The following RAB44 variants were observed in gnomAD, a reference collection of about 807,000 sequenced individuals.
RAB44 encodes the protein ras-related protein Rab-44.
In RAB44, 67 loss-of-function variants were observed where a neutral mutation model predicts 93.3. That is an observed-to-expected ratio of 0.72 (90% CI 0.59 to 0.88). The LOEUF is 0.88. Ranked by LOEUF, RAB44 falls within the 40% of genes least tolerant of loss-of-function variation. The pLI is 0.00. For synonymous variants in RAB44, 427 were observed against 520.3 expected, an observed-to-expected ratio of 0.82 and a Z score of 2.44; for missense variants, 1,064 against 1,261.7, an observed-to-expected ratio of 0.84 and a Z score of 2.37.
intron 12 of RAB44, among the ~76,000 whole-genome samples, chr6:36,729,641 C>T (rs1429014376): frequency 6.6e-6 from 1 of 152,074 alleles, no homozygotes; most frequent in East Asian, 1.9e-4. Flanking sequence ...TGCCACCACG[C>T]CCGGCTAATT....
At chr6:36,719,984 T>G (rs1199174631) in intron 7 of RAB44, among the ~76,000 whole-genome samples, 1 of 152,194 alleles carries the variant, frequency 6.6e-6, no homozygotes, top group Non-Finnish European at 1.5e-5. Flanking sequence ...GCTCCCTCTC[T>G]GGGTCATGAG....
Position 36,715,544 on chromosome 6 carries a change from CG to C in RAB44, c.388del (p.Val130TyrfsTer65). On this transcript the variant is annotated frameshift_variant, in exon 4 of 14. Coordinates refer to ENST00000612677, the MANE Select transcript of RAB44 (RefSeq NM_001257357.2). LOFTEE classifies it high-confidence loss of function. ...LRRRKPLPSKRVSATTSFPAL... is the reference protein window; with the variant it reads ...LRRRKPLPSKXVSATTSFPAL... ...CAGAAGGAAGCCACTGCCCTCTAAGCGGGTATCTGCTACCACCAGCTTCCCA... is the reference window on the plus strand; with the variant it reads ...CAGAAGGAAGCCACTGCCCTCTAAGCGGTATCTGCTACCACCAGCTTCCCA... 1 of 1,536,152 alleles carries C rather than the reference CG, an allele frequency of 6.5e-7. No individual in the cohort carries two copies. The highest frequency in any genetic ancestry group is 1.2e-5 in the South Asian group (1 of 84,064).
At chr6:36,718,746 C>A (rs934526832) in intron 7 of RAB44, among the ~76,000 whole-genome samples, 158 bp downstream of exon 7, 1 of 152,284 alleles carries the variant, frequency 6.6e-6, no homozygotes, top group South Asian at 2.1e-4. Flanking sequence ...CAGTGCCTGG[C>A]ACGTAGTAGG....
At position 36,722,127 on chromosome 6, in the gene RAB44, T is replaced by G; in HGVS notation, c.1993T>G (p.Phe665Val). Residue 665 changes from phenylalanine (F) to valine (V), a missense_variant, in exon 9 of 14, where the codon TTC becomes GTC. By Grantham distance (50) the Phe-to-Val change is conservative (BLOSUM62 -1). Coordinates refer to ENST00000612677, the MANE Select transcript of RAB44 (RefSeq NM_001257357.2). The part of the protein sequence containing the change: ...QVLGLGELSA[F>V]PHQELEEEPR... ...CCTTGGGCTGGGTGAGCTGTCTGCC[T>G]TCCCCCACCAGGAGCTGGAAGAGGA... The G allele has an allele frequency of 1.6e-6, 2 of 1,236,408 alleles. No individual in the cohort carries two copies. Among genetic ancestry groups the G allele is most frequent in the South Asian group, 8.1e-5 (2 of 24,540 alleles). The allele number at this position is 1,236,408 out of a possible 1,614,324, so 76.6% of individuals were successfully genotyped here.
Position 36,727,571 on chromosome 6 carries a change from G to C in RAB44, c.2682-6G>C. The C allele has an allele frequency of 3.2e-6, 5 of 1,548,364 alleles. No individual in the cohort carries two copies. Among genetic ancestry groups the C allele is most frequent in the Non-Finnish European group, 4.4e-6 (5 of 1,145,096 alleles). ...TGGTGTGGCCTCATGCAGACTCTCTGGGCAGGTACCACAGTATGACGCGAC... is the reference window on the plus strand; with the variant it reads ...TGGTGTGGCCTCATGCAGACTCTCTCGGCAGGTACCACAGTATGACGCGAC... On this transcript the variant is annotated splice_polypyrimidine_tract_variant and splice_region_variant and intron_variant, in intron 10 of 13. Transcript: ENST00000612677.
chr6:36,720,530 G>T lies in RAB44; in HGVS notation c.996G>T (p.Trp332Cys). ...ACGCCGCCAGGGGCCGGGTGTCCTGGCAGGTGGAGGAGAAACTGAGGCAAG... is the reference window on the plus strand; with the variant it reads ...ACGCCGCCAGGGGCCGGGTGTCCTGTCAGGTGGAGGAGAAACTGAGGCAAG... ...RLDAARGRVS[W>C]QVEEKLSFPG... Residue 332 changes from tryptophan (W) to cysteine (C), a missense_variant, in exon 8 of 14, where the codon TGG becomes TGT. Coordinates refer to ENST00000612677, the MANE Select transcript of RAB44 (RefSeq NM_001257357.2). The T allele has an allele frequency of 8.1e-7, 1 of 1,234,036 alleles. No homozygotes were observed. Among genetic ancestry groups the T allele is most frequent in the Non-Finnish European group, 1.0e-6 (1 of 988,220 alleles). 76.4% of individuals were successfully genotyped at this position (1,234,036 alleles called of 1,614,324 possible). A position where few individuals can be genotyped will look rare whatever the true frequency, so the allele number is the denominator to read the frequency against.
rs773688501 is a variant in RAB44, at chr6:36,702,321, AGAGAGAGAGAGAGAGAG to A, written c.-12-1902_-12-1886del. On this transcript the variant is annotated intron_variant, in intron 1 of 13. Transcript: ENST00000612677. ...GAGAGAGAGAGAGAGAGAGAGAGAGAGAGAGAGAGAGAGAGAGAATGTACTTCTGTTTGAAGTTTGGG... is the reference window on the plus strand; with the variant it reads ...GAGAGAGAGAGAGAGAGAGAGAGAGAAATGTACTTCTGTTTGAAGTTTGGG... 7.9e-4 allele frequency among the ~76,000 whole-genome samples: 88 copies of A among 111,440 alleles called. No individual in the cohort carries two copies. The South Asian group carries it at 0.014, about 18-fold the overall frequency. 73.1% of individuals were successfully genotyped at this position (111,440 alleles called of 152,430 possible). A position where few individuals can be genotyped will look rare whatever the true frequency, so the allele number is the denominator to read the frequency against.
In RAB44 at chr6:36,717,648, G is replaced by T. The variant is rs765766879; in HGVS notation, c.641+229G>T. On this transcript the variant is annotated intron_variant, in intron 5 of 13. Coordinates refer to ENST00000612677, the MANE Select transcript of RAB44 (RefSeq NM_001257357.2). The surrounding 1 kb of genome is among the most constrained non-coding windows in gnomAD (Gnocchi z 4.1). The stretch of plus-strand genomic sequence containing the variant: ...GTCTTGGTACAGGACCCACTGTGAC[G>T]CCCAACTCCAGGGGGCCTGCTCCCG... 6.6e-6 allele frequency among the ~76,000 whole-genome samples: 1 copy of T among 151,696 alleles called. No individual in the cohort carries two copies. Among genetic ancestry groups the T allele is most frequent in the Admixed American group, 6.6e-5 (1 of 15,228 alleles).
chr6:36,720,246 TG>T, intron 7 of RAB44, 116 bp from the exon 8 acceptor site: 1 of 855,990 alleles, frequency 1.2e-6, no homozygotes, highest in Non-Finnish European at 1.5e-6. Flanking sequence ...TGATTTAAGC[TG>T]GGTCTCCAGG....
intron 13 of RAB44, 138 bp downstream of exon 13, chr6:36,730,887 A>C (rs988813298): frequency 4.9e-6 from 2 of 411,836 alleles, no homozygotes; most frequent in Non-Finnish European, 8.3e-6. Context: ...CACCTAGTTA[A>C]AGACCTGGGC....
chr6:36,710,374 C>G (rs74480971), intron 2 of RAB44, among the ~76,000 whole-genome samples: 9,859 of 152,168 alleles, frequency 0.065, 815 homozygotes, highest in African/African-American at 0.19. Flanking sequence ...AGCATGTGTC[C>G]AAATGTTCTT....
At chr6:36,724,182 T>TATTTATTTA (rs1475005948) in intron 9 of RAB44, among the ~76,000 whole-genome samples, 1 of 149,280 alleles carries the variant, frequency 6.7e-6, no homozygotes, top group African/African-American at 2.5e-5. Context: ...TTTATTTATT[T>TATTTATTTA]TTTGAGATGG....
chr6:36,728,835 TGGACTGGGCAGACACCTCCCTGGCA>T lies in RAB44; in HGVS notation c.2898+37_2898+61del, dbSNP rs1254899522. 2.7e-5 allele frequency: 41 copies of T among 1,501,572 alleles called. No homozygotes were observed. In the Admixed American group the frequency reaches 5.9e-4, roughly 22 times the overall value. 93.0% of individuals were successfully genotyped at this position (1,501,572 alleles called of 1,614,324 possible). On this transcript the variant is annotated intron_variant, in intron 12 of 13. Transcript: ENST00000612677. ...TTGGGCATCAGCCCGTCTCTGTGCG[TGGACTGGGCAGACACCTCCCTGGCA>T]GGTGGTGGATAGGCATCACCTGACC...
In RAB44 at chr6:36,722,785, G is replaced by A. The variant is rs1763130423; in HGVS notation, c.2599+52G>A. The A allele has an allele frequency of 1.9e-6, 3 of 1,544,862 alleles. No individual in the cohort carries two copies. The African/African-American group carries it at 4.1e-5, about 21-fold the overall frequency. ...GAGCAAGGAGAGACGCAGGGGCCAG[G>A]GCCAACGAGTGAGAGCGGGCCCAGA... On this transcript the variant is annotated intron_variant, in intron 9 of 13. Transcript: ENST00000612677.
chr6:36,727,268 C>T (rs890824007), intron 10 of RAB44, among the ~76,000 whole-genome samples: 4 of 152,082 alleles, frequency 2.6e-5, no homozygotes, highest in South Asian at 2.1e-4. Context: ...TATGTATATA[C>T]GTAAAATGCC....
At position 36,718,073 on chromosome 6, in the gene RAB44, G is replaced by GATGGAGCAGCAGATCCGCCAGGAGAAGC; in HGVS notation, c.689_716dup (p.Gln239HisfsTer15). 2 of 1,232,316 alleles carry GATGGAGCAGCAGATCCGCCAGGAGAAGC rather than the reference G, an allele frequency of 1.6e-6. No individual in the cohort carries two copies. Among genetic ancestry groups the GATGGAGCAGCAGATCCGCCAGGAGAAGC allele is most frequent in the Non-Finnish European group, 2.0e-6 (2 of 988,118 alleles). 76.3% of individuals were successfully genotyped at this position (1,232,316 alleles called of 1,614,324 possible). On this transcript the variant is annotated frameshift_variant, in exon 6 of 14. Coordinates refer to ENST00000612677, the MANE Select transcript of RAB44 (RefSeq NM_001257357.2). LOFTEE classifies it high-confidence loss of function. ...GCGAGGTCCAGCAGCTCTATGAGGAGATGGAGCAGCAGATCCGCCAGGAGA... is the reference window on the plus strand; with the variant it reads ...GCGAGGTCCAGCAGCTCTATGAGGAGATGGAGCAGCAGATCCGCCAGGAGAAGCATGGAGCAGCAGATCCGCCAGGAGA...
intron 2 of RAB44, among the ~76,000 whole-genome samples, chr6:36,704,815 G>A (rs1464195457): frequency 1.3e-5 from 2 of 152,150 alleles, no homozygotes. Context: ...ATGGTTGTGT[G>A]TCCCCATAAA....
intron 4 of RAB44, among the ~76,000 whole-genome samples, chr6:36,716,650 G>A (rs1041701727): frequency 6.6e-6 from 1 of 152,124 alleles, no homozygotes; most frequent in African/African-American, 2.4e-5. Context: ...GCTCCCGGAG[G>A]GTGGGGCCAG....
At chr6:36,712,325 A>G (rs533739153) in intron 2 of RAB44, among the ~76,000 whole-genome samples, 19 of 152,338 alleles carry the variant, frequency 1.2e-4, no homozygotes, top group South Asian at 1.2e-3. Context: ...TCACCAATCC[A>G]GATCTCAAAG....
Sources: gnomAD v4.1 joint callset for allele counts (sites outside exome capture counted in the v4.1 genomes callset) on GRCh38, gnomAD v4.1.1 for gene constraint, Gnocchi (gnomAD v3.1) non-coding constraint, MANE v1.5 for transcripts, NCBI Gene and HGNC (gene_info 2026-07-23, HGNC 2026-07-21) for gene names.